Variants in EML1 observed in about 807,000 individuals in gnomAD.
EML1 encodes the protein EMAP like 1.
EML1 carries 27 observed loss-of-function variants against 110.4 expected under a neutral mutation model. The ratio of observed to expected loss-of-function variants is 0.24; its 90% confidence interval spans 0.18 to 0.34. EML1 has a LOEUF of 0.34. Among genes scored for constraint, EML1 ranks in the 10% least tolerant of loss-of-function variants. The pLI is 1.00. For synonymous variants in EML1, 344 were observed against 385.8 expected, an observed-to-expected ratio of 0.89 and a Z score of 1.27; for missense variants, 741 against 1,030.9, an observed-to-expected ratio of 0.72 and a Z score of 3.85.
intron 1 of EML1, among the ~76,000 whole-genome samples, chr14:99,787,214 T>C (rs950051386): frequency 6.6e-6 from 1 of 151,712 alleles, no homozygotes; most frequent in Non-Finnish European, 1.5e-5. Flanking sequence ...TATTTTAATA[T>C]GAGTAGTGAA....
intron 10 of EML1, among the ~76,000 whole-genome samples, chr14:99,908,752 C>A (rs762178994): frequency 6.6e-6 from 1 of 152,162 alleles, no homozygotes; most frequent in Non-Finnish European, 1.5e-5. Flanking sequence ...GACCCCAGGC[C>A]GGTTCACTGA....
intron 1 of EML1, among the ~76,000 whole-genome samples, chr14:99,747,506 G>T (rs1262900614): frequency 1.3e-5 from 2 of 152,170 alleles, no homozygotes; most frequent in Non-Finnish European, 2.9e-5. Context: ...TTGGGGGGTG[G>T]CATGTTGGGT....
chr14:99,907,580 C>A, intron 9 of EML1, 58 bp from the exon 10 acceptor site: 3 of 1,457,266 alleles, frequency 2.1e-6, no homozygotes, highest in South Asian at 1.2e-5. Flanking sequence ...TATTTTTAAT[C>A]ATGTTCAACC....
intron 9 of EML1, among the ~76,000 whole-genome samples, chr14:99,906,167 A>C (rs1238986778): frequency 2.6e-5 from 4 of 152,140 alleles, no homozygotes; most frequent in Non-Finnish European, 4.4e-5. Flanking sequence ...GGGTTTCCTC[A>C]GTGTCATCGC....
At position 99,909,522 on chromosome 14, in the gene EML1, A is replaced by G. The variant is rs774405192; in HGVS notation, c.1239+43A>G. ...TTTTTGCTTTATTTTTCTCTCGTAT[A>G]TGTGATTGGCTAGATGCATCTCTCT... On this transcript the variant is annotated intron_variant, in intron 11 of 21. Transcript: ENST00000262233. 16 of 1,612,202 alleles carry G rather than the reference A, an allele frequency of 9.9e-6. No individual in the cohort carries two copies. In the Admixed American group the frequency reaches 1.2e-4, roughly 12 times the overall value.
intron 3 of EML1, among the ~76,000 whole-genome samples, chr14:99,876,054 T>C (rs2059285431): frequency 6.6e-6 from 1 of 152,006 alleles, no homozygotes; most frequent in South Asian, 2.1e-4. Context: ...AAAAACCTGC[T>C]TGGAGATTAC....
At chr14:99,819,816 A>G (rs2058232781) in intron 1 of EML1, among the ~76,000 whole-genome samples, 1 of 152,220 alleles carries the variant, frequency 6.6e-6, no homozygotes, top group Admixed American at 6.5e-5. Flanking sequence ...CACACCACGC[A>G]GCCAGCCTCA....
chr14:99,740,333 G>A (rs1338548208), intron 1 of EML1, among the ~76,000 whole-genome samples: 1 of 152,300 alleles, frequency 6.6e-6, no homozygotes, highest in African/African-American at 2.4e-5. Context: ...CCCTCTTCCC[G>A]GGAGTCCCAC....
intron 3 of EML1, among the ~76,000 whole-genome samples, chr14:99,875,693 C>T (rs1274723275): frequency 6.6e-6 from 1 of 152,146 alleles, no homozygotes; most frequent in Non-Finnish European, 1.5e-5. Context: ...TGCATCAGAG[C>T]CTTGTACTAA....
chr14:99,755,611 G>T (rs1481722071), intron 1 of EML1, among the ~76,000 whole-genome samples: 4 of 152,154 alleles, frequency 2.6e-5, no homozygotes, highest in Non-Finnish European at 4.4e-5. Context: ...CTGTGGACTG[G>T]CTGTGTGGCG....
rs897694526 is a variant in EML1, at chr14:99,812,255, CTG to C, written c.67+18715_67+18716del. 9.2e-5 allele frequency among the ~76,000 whole-genome samples: 14 copies of C among 151,974 alleles called. No homozygotes were observed. The Middle Eastern group carries it at 0.01, about 112-fold the overall frequency. On this transcript the variant is annotated intron_variant, in intron 1 of 21. Coordinates refer to ENST00000262233, the MANE Select transcript of EML1 (RefSeq NM_004434.3). ...TGCTGATGCAGTCAGGGAGGCCTGA[CTG>C]TGCATGCCCAGCCCCTTCATCACCA...
At chr14:99,844,533 G>A (rs1481903429) in intron 1 of EML1, among the ~76,000 whole-genome samples, 1 of 142,726 alleles carries the variant, frequency 7.0e-6, no homozygotes, top group South Asian at 2.2e-4. Flanking sequence ...TTACTTAAAT[G>A]CTCATAAAAT....
At chr14:99,760,454 G>A (rs2057303236) in intron 1 of EML1, among the ~76,000 whole-genome samples, 1 of 152,126 alleles carries the variant, frequency 6.6e-6, no homozygotes, top group Non-Finnish European at 1.5e-5. Flanking sequence ...GAAATGTACT[G>A]GCTTTCGGCA....
intron 1 of EML1, among the ~76,000 whole-genome samples, chr14:99,750,621 G>T (rs2057165100): frequency 6.6e-6 from 1 of 152,160 alleles, no homozygotes; most frequent in African/African-American, 2.4e-5. Context: ...AGGGCACAGT[G>T]GGGGGATCAG....
chr14:99,756,897 G>A (rs1288284599), intron 1 of EML1, among the ~76,000 whole-genome samples: 1 of 152,128 alleles, frequency 6.6e-6, no homozygotes. Flanking sequence ...CTCACAGGGC[G>A]CGTATACACT....
At chr14:99,742,939 C>T (rs903485803) in intron 1 of EML1, among the ~76,000 whole-genome samples, 7 of 152,280 alleles carry the variant, frequency 4.6e-5, no homozygotes, top group Admixed American at 1.3e-4. Flanking sequence ...GCAAGTGTGC[C>T]GGGCACCTGT....
At chr14:99,770,341 A>G (rs2057410494), upstream of EML1, among the ~76,000 whole-genome samples, 1 of 150,730 alleles carries the variant, frequency 6.6e-6, no homozygotes, top group Non-Finnish European at 1.5e-5. Context: ...GCAAAGAAAG[A>G]CGAAGCAAGC....
At chr14:99,934,414 T>A (rs1330522431) in intron 17 of EML1, among the ~76,000 whole-genome samples, 1 of 152,252 alleles carries the variant, frequency 6.6e-6, no homozygotes, top group Non-Finnish European at 1.5e-5. Context: ...TATTTTGTCC[T>A]GGCCTAGGCC....
At chr14:99,866,805 G>A (rs1566906831) in intron 3 of EML1, among the ~76,000 whole-genome samples, 1 of 152,130 alleles carries the variant, frequency 6.6e-6, no homozygotes, top group Non-Finnish European at 1.5e-5. Context: ...CATCTAAGTA[G>A]TGCTTGTTCT....
Sources: gnomAD v4.1 joint callset for allele counts (sites outside exome capture counted in the v4.1 genomes callset) on GRCh38, gnomAD v4.1.1 for gene constraint, MANE v1.5 for transcripts, NCBI Gene and HGNC (gene_info 2026-07-23, HGNC 2026-07-21) for gene names.